PID1: variants seen among roughly 807,000 people sequenced by gnomAD.
The protein encoded by PID1 is phosphotyrosine interaction domain containing 1.
Under a neutral mutation model 19.1 loss-of-function variants are expected in PID1, and 10 were observed. The ratio of observed to expected loss-of-function variants is 0.52; its 90% CI spans 0.32 to 0.89. The LOEUF is 0.89. PID1 is among the 40% of genes least tolerant of loss of function. The probability of loss-of-function intolerance (pLI) is 0.03; values close to 1 mark genes in which losing one functional copy is unlikely to be tolerated. For missense variants in PID1, 248 were observed against 285.3 expected (o/e 0.87, Z 0.94); for synonymous variants, 130 against 116.0 (o/e 1.12, Z -0.78).
At chr2:229,105,417 G>A (rs761964151) in intron 2 of PID1, among the ~76,000 whole-genome samples, 2 of 152,250 alleles carry the variant, frequency 1.3e-5, no homozygotes, top group African/African-American at 4.8e-5. Context: ...CCTCAAGAGA[G>A]AAGGAAACAG....
intron 2 of PID1, among the ~76,000 whole-genome samples, chr2:229,102,547 AGGGAAGAGAAATG>A (rs1695094840): frequency 6.6e-6 from 1 of 152,186 alleles, no homozygotes; most frequent in African/African-American, 2.4e-5. Context: ...GCTTTTCCTT[AGGGAAGAGAAATG>A]GAAGACTGAC....
intron 1 of PID1, among the ~76,000 whole-genome samples, chr2:229,193,784 G>GAAAA (rs557216036): frequency 2.2e-5 from 3 of 138,220 alleles, no homozygotes; most frequent in African/African-American, 7.9e-5. Flanking sequence ...GCCTTATTGG[G>GAAAA]AAAAAAAAAA....
chr2:229,249,303 T>TCC lies in PID1; in HGVS notation c.30+21710_30+21711insGG, dbSNP rs200522433. Among the ~76,000 whole-genome samples, 931 of 152,328 alleles carry TCC rather than the reference T, an allele frequency of 6.1e-3. 6 individuals carry two copies. Among genetic ancestry groups the TCC allele is most frequent in the African/African-American group, 0.021 (888 of 41,576 alleles). On this transcript the variant is annotated intron_variant, in intron 1 of 2. Transcript: ENST00000392055. ...GCATTTTCCCCCATTAACATGTGGC[T>TCC]CTAAAGATAAATGTAAGAAAAATAC... is the stretch of plus-strand genomic sequence containing the variant.
intron 2 of PID1, among the ~76,000 whole-genome samples, chr2:229,027,436 C>T (rs78949520): frequency 0.012 from 1,783 of 152,212 alleles, 31 homozygotes; most frequent in African/African-American, 0.041. Flanking sequence ...GTCTTTGAGG[C>T]AGGTGAAGTT....
chr2:229,222,090 C>T (rs972518871), intron 1 of PID1, among the ~76,000 whole-genome samples: 11 of 152,232 alleles, frequency 7.2e-5, no homozygotes, highest in African/African-American at 2.4e-4. Flanking sequence ...TTACTTATAA[C>T]ATTTTCAATG....
At chr2:229,142,778 G>A (rs186353024) in intron 2 of PID1, among the ~76,000 whole-genome samples, 1 of 152,324 alleles carries the variant, frequency 6.6e-6, no homozygotes, top group African/African-American at 2.4e-5. Context: ...CCTTGTGGAA[G>A]TCAGTATGGC....
At chr2:229,156,541 G>A (rs1690376927) in intron 1 of PID1, among the ~76,000 whole-genome samples, 1 of 152,114 alleles carries the variant, frequency 6.6e-6, no homozygotes, top group Non-Finnish European at 1.5e-5. Flanking sequence ...CTCTTGTTGT[G>A]AAAGATGCTC....
intron 2 of PID1, among the ~76,000 whole-genome samples, chr2:229,088,758 T>A (rs892493514): frequency 5.1e-4 from 77 of 152,038 alleles, no homozygotes; most frequent in African/African-American, 1.8e-3. Context: ...GAGGCAAAAA[T>A]ACACTGGAAG....
intron 2 of PID1, among the ~76,000 whole-genome samples, chr2:229,102,166 T>A (rs568708126): frequency 6.6e-6 from 1 of 152,132 alleles, no homozygotes; most frequent in Admixed American, 6.5e-5. Context: ...AGCTAACACC[T>A]GGACTTCAGT....
intron 1 of PID1, among the ~76,000 whole-genome samples, chr2:229,195,103 C>T (rs989872029): frequency 1.3e-5 from 2 of 151,698 alleles, no homozygotes; most frequent in East Asian, 1.9e-4. Context: ...TTATCTGCAT[C>T]GTTTAAATCT....
intron 2 of PID1, among the ~76,000 whole-genome samples, chr2:229,113,463 CAT>C (rs1695341468): frequency 7.1e-6 from 1 of 141,600 alleles, no homozygotes; most frequent in African/African-American, 2.6e-5. Flanking sequence ...CACACACACA[CAT>C]AGATATGTGT....
intron 1 of PID1, among the ~76,000 whole-genome samples, chr2:229,197,243 A>G (rs1443543938): frequency 1.3e-5 from 2 of 152,138 alleles, no homozygotes; most frequent in African/African-American, 4.8e-5. Flanking sequence ...CTTAATTGAT[A>G]TAACCCAAAT....
At chr2:229,066,398 G>A (rs1694328017) in intron 2 of PID1, among the ~76,000 whole-genome samples, 1 of 152,184 alleles carries the variant, frequency 6.6e-6, no homozygotes, top group Admixed American at 6.5e-5. Context: ...GCCACTCAGA[G>A]GAGGTAACAC....
chr2:229,171,334 T>G (rs535713135), intron 1 of PID1, among the ~76,000 whole-genome samples: 2 of 152,254 alleles, frequency 1.3e-5, no homozygotes, highest in South Asian at 4.1e-4. Flanking sequence ...CAAGCCAGAG[T>G]TCACTTCAAT....
At chr2:229,079,573 T>C (rs1295619012) in intron 2 of PID1, among the ~76,000 whole-genome samples, 1 of 152,200 alleles carries the variant, frequency 6.6e-6, no homozygotes, top group Non-Finnish European at 1.5e-5. Context: ...TGAGCCACTA[T>C]TAAGTGTCTA....
At chr2:229,148,017 A>C (rs976683605) in intron 2 of PID1, among the ~76,000 whole-genome samples, 5 of 152,218 alleles carry the variant, frequency 3.3e-5, no homozygotes, top group African/African-American at 1.2e-4. Context: ...CAAGTCTGTC[A>C]TCCAACTCAA....
intron 1 of PID1, among the ~76,000 whole-genome samples, chr2:229,190,387 A>G (rs1691230783): frequency 6.6e-6 from 1 of 152,228 alleles, no homozygotes; most frequent in Non-Finnish European, 1.5e-5. Context: ...CAGTCTGTCT[A>G]TCCCAATGGA....
intron 1 of PID1, among the ~76,000 whole-genome samples, chr2:229,263,140 G>A (rs1574768321): frequency 6.6e-6 from 1 of 152,206 alleles, no homozygotes; most frequent in Non-Finnish European, 1.5e-5. Context: ...GAATGTCAAA[G>A]ATACATGTAA....
intron 2 of PID1, among the ~76,000 whole-genome samples, chr2:229,111,748 A>G (rs1310950149): frequency 1.3e-5 from 2 of 152,250 alleles, no homozygotes; most frequent in Non-Finnish European, 2.9e-5. Flanking sequence ...CTTTTAATAA[A>G]GAATATACTG....
Sources: gnomAD v4.1 joint callset for allele counts (sites outside exome capture counted in the v4.1 genomes callset) on GRCh38, gnomAD v4.1.1 for gene constraint, MANE v1.5 for transcripts, NCBI Gene and HGNC (gene_info 2026-07-23, HGNC 2026-07-21) for gene names.